VEGFC: variants seen among roughly 807,000 people sequenced by gnomAD.
The protein encoded by VEGFC is vascular endothelial growth factor C.
A neutral mutation model predicts 46.1 loss-of-function variants in VEGFC; 12 were observed. That is an observed-to-expected ratio of 0.26 (90% CI 0.17 to 0.42). The LOEUF (loss-of-function observed/expected upper bound fraction) is 0.42. VEGFC is among the 10% of genes least tolerant of loss of function. The probability of loss-of-function intolerance (pLI) is 1.00; values close to 1 mark genes in which losing one functional copy is unlikely to be tolerated. For synonymous variants in VEGFC, 232 were observed against 195.5 expected (o/e 1.19, Z -1.56); for missense variants, 488 against 529.4 (o/e 0.92, Z 0.77).
At position 176,729,693 on chromosome 4, in the gene VEGFC, A is replaced by G. The variant is rs41278569; in HGVS notation, c.201T>C (p.Asp67=). The G allele has an allele frequency of 2.2e-5, 35 of 1,613,196 alleles. No homozygotes were observed. The highest frequency in any genetic ancestry group is 2.7e-5 in the Non-Finnish European group (32 of 1,179,690). Residue 67 remains aspartate, a synonymous_variant, in exon 2 of 7, where the codon GAT becomes GAC. Transcript: ENST00000618562. Reference sequence around the variant, plus strand: ...CTGGGTAGAGTACAGTCATGAGTTCATCTACACTGGACACAGACCGTAACT... The same window carrying G: ...CTGGGTAGAGTACAGTCATGAGTTCGTCTACACTGGACACAGACCGTAACT... ...EEQLRSVSSV[D]ELMTVLYPEY...
At chr4:176,763,855 T>A (rs1579129667) in intron 1 of VEGFC, among the ~76,000 whole-genome samples, 1 of 151,364 alleles carries the variant, frequency 6.6e-6, no homozygotes, top group Non-Finnish European at 1.5e-5. Flanking sequence ...AAAAAAGGTC[T>A]TTTTTTTTCT....
chr4:176,709,837 T>C (rs1053848988), intron 4 of VEGFC, among the ~76,000 whole-genome samples: 5 of 152,176 alleles, frequency 3.3e-5, no homozygotes, highest in African/African-American at 9.7e-5. Flanking sequence ...GGAGAAAGAC[T>C]TGATGCTTGA....
rs74288318 is a variant in VEGFC, at chr4:176,766,618, G to T, written c.147+25547C>A. 2.4e-3 allele frequency among the ~76,000 whole-genome samples: 353 copies of T among 149,922 alleles called. 10 individuals carry two copies. The East Asian group carries it at 0.056, about 24-fold the overall frequency. ...AAAAAAAAAAACAAGGAAAAGAAAA[G>T]ATACTATGGAACTTCAGAATTTCAG... On this transcript the variant is annotated intron_variant, in intron 1 of 6. Transcript: ENST00000618562.
intron 1 of VEGFC, among the ~76,000 whole-genome samples, chr4:176,775,205 T>C (rs183398902): frequency 7.9e-5 from 12 of 152,210 alleles, no homozygotes; most frequent in Admixed American, 2.6e-4. Context: ...TCATTTCAGA[T>C]ATACTACGGA....
intron 1 of VEGFC, among the ~76,000 whole-genome samples, chr4:176,770,528 G>C (rs75999048): frequency 5.3e-5 from 8 of 150,546 alleles, no homozygotes; most frequent in African/African-American, 2.0e-4. Context: ...TATTTCCAGT[G>C]ACCTGAATAG....
intron 1 of VEGFC, among the ~76,000 whole-genome samples, chr4:176,738,361 C>A (rs1328450782): frequency 1.3e-5 from 2 of 151,882 alleles, no homozygotes; most frequent in Non-Finnish European, 2.9e-5. Flanking sequence ...GACACATAGA[C>A]CAATGGAACA....
chr4:176,689,877 G>A (rs3775203), intron 4 of VEGFC, among the ~76,000 whole-genome samples: 1 of 151,858 alleles, frequency 6.6e-6, no homozygotes, highest in African/African-American at 2.4e-5. Flanking sequence ...TTTATCAAGA[G>A]AGTTTGTCAC....
intron 6 of VEGFC, among the ~76,000 whole-genome samples, chr4:176,684,352 G>C (rs1042896268): frequency 6.6e-6 from 1 of 152,186 alleles, no homozygotes; most frequent in Non-Finnish European, 1.5e-5. Flanking sequence ...AATTCTGAAA[G>C]TGAACACTGA....
chr4:176,761,634 C>A (rs138549427), intron 1 of VEGFC, among the ~76,000 whole-genome samples: 1 of 152,144 alleles, frequency 6.6e-6, no homozygotes, highest in Admixed American at 6.5e-5. Context: ...CAACAGTGAA[C>A]GAATGTGTGT....
chr4:176,724,161 A>G (rs551463154), intron 3 of VEGFC, among the ~76,000 whole-genome samples: 3 of 152,320 alleles, frequency 2.0e-5, no homozygotes, highest in African/African-American at 4.8e-5. Flanking sequence ...AAAATTCCAC[A>G]AGTGTGTTAA....
At chr4:176,687,079 A>G in intron 6 of VEGFC, 108 bp downstream of exon 6, 1 of 1,171,656 alleles carries the variant, frequency 8.5e-7, no homozygotes. Flanking sequence ...TTCAGAATGT[A>G]TTGGCCTCAT....
At chr4:176,777,521 G>A (rs1735834369) in intron 1 of VEGFC, among the ~76,000 whole-genome samples, 1 of 152,098 alleles carries the variant, frequency 6.6e-6, no homozygotes, top group Admixed American at 6.5e-5. Flanking sequence ...TTATAGAACT[G>A]TTTTCCTCAG....
intron 6 of VEGFC, 64 bp downstream of exon 6, chr4:176,687,123 C>A: frequency 1.3e-6 from 2 of 1,508,426 alleles, no homozygotes; most frequent in Non-Finnish European, 1.8e-6. Context: ...GTTAAGAAAA[C>A]TGCTTTTGGT....
intron 1 of VEGFC, among the ~76,000 whole-genome samples, chr4:176,781,958 GCACT>G (rs1319828374): frequency 6.6e-6 from 1 of 152,154 alleles, no homozygotes; most frequent in Admixed American, 6.5e-5. Context: ...TCTCAGAGTG[GCACT>G]CACTCACACG....
At chr4:176,787,718 T>C (rs1439844855) in intron 1 of VEGFC, among the ~76,000 whole-genome samples, 3 of 151,874 alleles carry the variant, frequency 2.0e-5, no homozygotes, top group Non-Finnish European at 4.4e-5. Context: ...AAAAAATTAA[T>C]CAACCGAGGA....
At chr4:176,750,879 A>G (rs575514330) in intron 1 of VEGFC, among the ~76,000 whole-genome samples, 6 of 151,766 alleles carry the variant, frequency 4.0e-5, no homozygotes, top group Admixed American at 6.6e-5. Flanking sequence ...AAAAATTTCT[A>G]TACGTTTGAA....
rs1441422152 is a variant in VEGFC, at chr4:176,693,709, G to A, written c.705-5782C>T. ...CCAAAGTTGAAATGAAGGAAAAAAT[G>A]TTAAGGGCAGCCAGAGAGAAAGGTC... On this transcript the variant is annotated intron_variant, in intron 4 of 6. Transcript: ENST00000618562. Among the ~76,000 whole-genome samples the A allele has an allele frequency of 2.1e-5, 3 of 141,706 alleles. No individual in the cohort carries two copies. The South Asian group carries it at 6.3e-4, about 30-fold the overall frequency. 93.0% of individuals were successfully genotyped at this position (141,706 alleles called of 152,430 possible).
intron 1 of VEGFC, among the ~76,000 whole-genome samples, chr4:176,730,828 A>G (rs1734950467): frequency 1.3e-5 from 2 of 152,114 alleles, no homozygotes; most frequent in South Asian, 4.1e-4. Flanking sequence ...TCTATTTTTA[A>G]TAATCGAAGT....
intron 1 of VEGFC, among the ~76,000 whole-genome samples, chr4:176,771,913 G>A (rs1735729729): frequency 6.6e-6 from 1 of 152,126 alleles, no homozygotes; most frequent in Non-Finnish European, 1.5e-5. Flanking sequence ...GAAAATAGCT[G>A]ATCCCCCAAT....
Sources: gnomAD v4.1 joint callset for allele counts (sites outside exome capture counted in the v4.1 genomes callset) on GRCh38, gnomAD v4.1.1 for gene constraint, MANE v1.5 for transcripts, NCBI Gene and HGNC (gene_info 2026-07-23, HGNC 2026-07-21) for gene names.